The following B3GALT1 variants were observed in gnomAD, a reference collection of about 807,000 sequenced individuals.
The protein encoded by B3GALT1 is beta-1,3-galactosyltransferase 1.
B3GALT1 carries 10 observed loss-of-function variants against 23.2 expected under a neutral mutation model. That is an observed-to-expected ratio of 0.43 (90% CI 0.27 to 0.73). The LOEUF (loss-of-function observed/expected upper bound fraction) is 0.73, where lower values mean the gene tolerates loss of function less well. B3GALT1 is among the 30% of genes least tolerant of loss of function. The pLI is 0.21. For missense variants in B3GALT1, 299 were observed against 405.4 expected, an observed-to-expected ratio of 0.74 and a Z score of 2.25; for synonymous variants, 156 against 141.5, an observed-to-expected ratio of 1.10 and a Z score of -0.73.
intron 2 of B3GALT1, among the ~76,000 whole-genome samples, chr2:167,557,944 G>T (rs536052374): frequency 6.6e-6 from 1 of 152,280 alleles, no homozygotes; most frequent in African/African-American, 2.4e-5. Context: ...TCAAGGAAAA[G>T]GGAGCAAAAG....
intron 2 of B3GALT1, among the ~76,000 whole-genome samples, chr2:167,580,533 A>G (rs1026581763): frequency 6.6e-6 from 1 of 152,128 alleles, no homozygotes; most frequent in African/African-American, 2.4e-5. Context: ...AACTGTATCT[A>G]ACTTCACAAT....
At chr2:167,436,977 G>A (rs990376054) in intron 1 of B3GALT1, among the ~76,000 whole-genome samples, 6 of 152,126 alleles carry the variant, frequency 3.9e-5, no homozygotes, top group Non-Finnish European at 4.4e-5. Context: ...CTGAGAGGCG[G>A]GGAGCAATGT....
At position 167,516,561 on chromosome 2, in the gene B3GALT1, C is replaced by A. The variant is rs1289765682; in HGVS notation, c.-410+26284C>A. Among the ~76,000 whole-genome samples the A allele has an allele frequency of 3.3e-5, 5 of 151,848 alleles. No homozygotes were observed. The East Asian group carries it at 9.6e-4, about 29-fold the overall frequency. On this transcript the variant is annotated intron_variant, in intron 2 of 4. Coordinates refer to ENST00000392690, the MANE Select transcript of B3GALT1 (RefSeq NM_020981.4). Reference sequence around the variant, plus strand: ...ACTTAAGTCACTTAAACTCTATAGGCCTCTATATACTTATTTGTAAAATAT... The same window carrying A: ...ACTTAAGTCACTTAAACTCTATAGGACTCTATATACTTATTTGTAAAATAT...
intron 1 of B3GALT1, among the ~76,000 whole-genome samples, chr2:167,426,620 A>G (rs1698627788): frequency 6.6e-6 from 1 of 152,122 alleles, no homozygotes; most frequent in Admixed American, 6.5e-5. Flanking sequence ...TGTTTCCACT[A>G]CCCAGCACAT....
intron 2 of B3GALT1, among the ~76,000 whole-genome samples, chr2:167,571,295 G>A (rs917885445): frequency 2.0e-5 from 3 of 151,888 alleles, no homozygotes; most frequent in Admixed American, 2.0e-4. Context: ...ATCCCATGTG[G>A]CTCAAACGTG....
intron 3 of B3GALT1, among the ~76,000 whole-genome samples, chr2:167,804,877 T>C (rs898456875): frequency 6.6e-6 from 1 of 152,208 alleles, no homozygotes; most frequent in Non-Finnish European, 1.5e-5. Context: ...GTATTTCTAG[T>C]TCAAGATCCC....
Position 167,297,853 on chromosome 2 carries a change from C to T in B3GALT1, c.-511+4519C>T, listed in dbSNP as rs916394590. ...AATTAGTGCCAACTTATTCACAGGTCGTATGATTACAGGACAATAGTGCAG... is the reference window on the plus strand; with the variant it reads ...AATTAGTGCCAACTTATTCACAGGTTGTATGATTACAGGACAATAGTGCAG... On this transcript the variant is annotated intron_variant, in intron 1 of 4. Coordinates refer to ENST00000392690, the MANE Select transcript of B3GALT1 (RefSeq NM_020981.4). 3.9e-5 allele frequency among the ~76,000 whole-genome samples: 6 copies of T among 152,102 alleles called. No homozygotes were observed. In the South Asian group the frequency reaches 8.3e-4, roughly 21 times the overall value.
chr2:167,618,871 T>A (rs1331948434), intron 2 of B3GALT1, among the ~76,000 whole-genome samples: 5 of 152,020 alleles, frequency 3.3e-5, no homozygotes, highest in African/African-American at 1.2e-4. Flanking sequence ...TATATCTTTT[T>A]CCTTTCCTGA....
chr2:167,634,647 C>A (rs570547697), intron 2 of B3GALT1, among the ~76,000 whole-genome samples: 1 of 151,966 alleles, frequency 6.6e-6, no homozygotes, highest in South Asian at 2.1e-4. Context: ...AAGACTAAAC[C>A]AGGAAAAAGT....
At chr2:167,488,583 C>G (rs1393323230) in intron 1 of B3GALT1, among the ~76,000 whole-genome samples, 1 of 152,176 alleles carries the variant, frequency 6.6e-6, no homozygotes, top group Non-Finnish European at 1.5e-5. Context: ...TATTGTTTGT[C>G]TGTTTGTTTT....
intron 2 of B3GALT1, among the ~76,000 whole-genome samples, chr2:167,494,895 TG>T (rs138848607): frequency 0.046 from 7,027 of 152,192 alleles, 536 homozygotes; most frequent in African/African-American, 0.16. Context: ...AGAACTGACT[TG>T]GGGCCCTGGT....
intron 3 of B3GALT1, among the ~76,000 whole-genome samples, chr2:167,662,621 A>G (rs768224467): frequency 6.6e-6 from 1 of 152,128 alleles, no homozygotes; most frequent in Non-Finnish European, 1.5e-5. Flanking sequence ...TAACAGACAA[A>G]AAGATCCTGT....
chr2:167,867,117 G>T (rs559515439), intron 4 of B3GALT1, among the ~76,000 whole-genome samples: 6 of 152,036 alleles, frequency 3.9e-5, no homozygotes, highest in Non-Finnish European at 5.9e-5. Flanking sequence ...TAGTAGAGAC[G>T]GGGTTTCACC....
chr2:167,611,396 C>G (rs568263168), intron 2 of B3GALT1, among the ~76,000 whole-genome samples: 338 of 151,858 alleles, frequency 2.2e-3, no homozygotes, highest in African/African-American at 8.0e-3. Context: ...TTACCTGGAG[C>G]CCTTTGTCGT....
At chr2:167,561,621 G>T (rs1260102224) in intron 2 of B3GALT1, among the ~76,000 whole-genome samples, 3 of 152,028 alleles carry the variant, frequency 2.0e-5, no homozygotes, top group African/African-American at 4.8e-5. Flanking sequence ...TGATAAAGGG[G>T]ATATCACCAC....
intron 3 of B3GALT1, among the ~76,000 whole-genome samples, chr2:167,774,219 A>G (rs1356980420): frequency 6.6e-6 from 1 of 152,182 alleles, no homozygotes; most frequent in Non-Finnish European, 1.5e-5. Context: ...TTCAAATTCT[A>G]TAATGCTCAT....
intron 3 of B3GALT1, among the ~76,000 whole-genome samples, chr2:167,670,943 A>AAG (rs770324846): frequency 6.6e-6 from 1 of 151,792 alleles, no homozygotes; most frequent in Non-Finnish European, 1.5e-5. Context: ...GTTCCAGAGG[A>AAG]AGAGAGAGAG....
chr2:167,363,219 T>C (rs951916837), intron 1 of B3GALT1, among the ~76,000 whole-genome samples: 1 of 151,796 alleles, frequency 6.6e-6, no homozygotes, highest in Non-Finnish European at 1.5e-5. Flanking sequence ...CCAGGAGCAT[T>C]CAAAAAGACT....
At chr2:167,323,312 C>T (rs151072197) in intron 1 of B3GALT1, among the ~76,000 whole-genome samples, 92 of 152,130 alleles carry the variant, frequency 6.0e-4, no homozygotes, top group African/African-American at 2.1e-3. Context: ...ATATCCTAAA[C>T]GCATGTCTGT....
Sources: allele counts gnomAD v4.1 joint callset (sites outside exome capture counted in the v4.1 genomes callset), GRCh38; gene constraint gnomAD v4.1.1; transcripts MANE v1.5; gene names NCBI Gene and HGNC (gene_info 2026-07-23, HGNC 2026-07-21).